The following C15orf40 variants were observed in gnomAD, a reference collection of about 807,000 sequenced individuals.
The protein encoded by C15orf40 is chromosome 15 open reading frame 40.
Under a neutral mutation model 13.9 loss-of-function variants are expected in C15orf40, and 9 were observed. The ratio of observed to expected loss-of-function variants is 0.65; its 90% CI spans 0.39 to 1.13. The LOEUF (loss-of-function observed/expected upper bound fraction) is 1.13. C15orf40 is among the 50% of genes most tolerant of loss of function. C15orf40 has a pLI of 0.01. For missense variants in C15orf40, 225 were observed against 188.5 expected, an observed-to-expected ratio of 1.19 and a Z score of -1.13; for synonymous variants, 95 against 69.2, an observed-to-expected ratio of 1.37 and a Z score of -1.85.
rs769607952 is a variant in C15orf40 at position 83,010,374 on chromosome 15, A to C, written c.112-11T>G. ...GCTCTGGCTTTTACCCTAAAATGAC[A>C]ACCACACAACTTTACAGGTTACAAA... On this transcript the variant is annotated splice_polypyrimidine_tract_variant and intron_variant, in intron 1 of 3. Coordinates refer to ENST00000304177, the MANE Select transcript of C15orf40 (RefSeq NM_144597.3). 1.2e-6 allele frequency: 2 copies of C among 1,614,066 alleles called. No individual in the cohort carries two copies. The highest frequency in any genetic ancestry group is 1.7e-6 in the Non-Finnish European group (2 of 1,179,940).
Position 82,999,179 on chromosome 15 carries a change from AG to A in C15orf40, c.*6417del, listed in dbSNP as rs2031299736. 1.8e-4 allele frequency: 1 copy of A among 5,586 alleles called. No individual in the cohort carries two copies. Among genetic ancestry groups the A allele is most frequent in the African/African-American group, 7.7e-4 (1 of 1,292 alleles). 0.3% of individuals were successfully genotyped at this position (5,586 alleles called of 1,614,324 possible). ...GAGGGAGAGGGTGAGGGAGAGGGGG[AG>A]GGGGAGGGGGAGGGGGCTCATTTTT... On this transcript the variant is annotated 3_prime_UTR_variant, in exon 4 of 4. Coordinates refer to ENST00000304177, the MANE Select transcript of C15orf40 (RefSeq NM_144597.3).
downstream of C15orf40, chr15:82,989,004 G>C: frequency 6.3e-7 from 1 of 1,588,764 alleles, no homozygotes; most frequent in Non-Finnish European, 8.6e-7. Context: ...CTTTAAAATT[G>C]TACAGATTTT....
chr15:83,011,354 C>A, intron 1 of C15orf40, 143 bp downstream of exon 1: 1 of 895,634 alleles, frequency 1.1e-6, no homozygotes, highest in Non-Finnish European at 1.6e-6. Context: ...CTGGGGGTGG[C>A]GGCGGCTGTC....
rs1298931955 is a variant in C15orf40, at chr15:82,998,248, TG to T, written c.*7348del. 7.6e-6 allele frequency: 1 copy of T among 132,306 alleles called. No homozygotes were observed. The highest frequency in any genetic ancestry group is 3.4e-5 in the African/African-American group (1 of 29,232). 8.2% of individuals were successfully genotyped at this position (132,306 alleles called of 1,614,324 possible). ...CCCCCCACCTCCCTCCCGGATGGGG[TG>T]GCTGGCCGGGCGGGGGACTGACCCC... On this transcript the variant is annotated 3_prime_UTR_variant, in exon 4 of 4. Coordinates refer to ENST00000304177, the MANE Select transcript of C15orf40 (RefSeq NM_144597.3).
intron 3 of C15orf40, among the ~76,000 whole-genome samples, chr15:83,007,384 A>T (rs193071394): frequency 2.0e-5 from 3 of 152,356 alleles, no homozygotes; most frequent in Admixed American, 2.0e-4. Context: ...CAGAAAGGAG[A>T]AAACACTGGC....
At chr15:82,992,301 A>G (rs1040762429), downstream of C15orf40, among the ~76,000 whole-genome samples, 11 of 152,154 alleles carry the variant, frequency 7.2e-5, no homozygotes, top group Non-Finnish European at 1.6e-4. Context: ...AGATCACCCC[A>G]GGTGAGGAGT....
At chr15:83,011,423 C>T (rs894530177) in intron 1 of C15orf40, 74 bp downstream of exon 1, 5 of 1,480,836 alleles carry the variant, frequency 3.4e-6, no homozygotes, top group Non-Finnish European at 4.5e-6. Context: ...CACTCCCGGG[C>T]CCCGCTTCTC....
In C15orf40 at chr15:83,010,282, T is replaced by C. The variant is rs1293653110; in HGVS notation, c.193A>G (p.Ile65Val). The C allele has an allele frequency of 3.7e-6, 6 of 1,614,242 alleles. No homozygotes were observed. The highest frequency in any genetic ancestry group is 4.5e-5 in the East Asian group (2 of 44,884). The change falls in exon 2 of 4, where the codon ATA becomes GTA. Residue 65 changes from isoleucine to valine, a missense_variant. By Grantham distance (29) the Ile-to-Val change is conservative. Coordinates refer to ENST00000304177, the MANE Select transcript of C15orf40 (RefSeq NM_144597.3). ...VAVDPKGCVT[I>V]AIHAKPGSKQ... is the part of the protein sequence containing the mutation. ...GAGCCAGGTTTTGCATGGATGGCTA[T>C]GGTGACGCATCCTTTAGGATCAACT...
rs1354036383 is a variant in C15orf40, at chr15:83,005,095, TGTTTGGG to T, written c.*495_*501del. On this transcript the variant is annotated 3_prime_UTR_variant, in exon 4 of 4. Coordinates refer to ENST00000304177, the MANE Select transcript of C15orf40 (RefSeq NM_144597.3). ...GAAATCAGAGTAACATGTTCCAGGC[TGTTTGGG>T]GTTTGGGATTTTAGAACCTGATGCA... 5.2e-6 allele frequency: 6 copies of T among 1,145,498 alleles called. No homozygotes were observed. In the East Asian group the frequency reaches 3.8e-4, roughly 73 times the overall value. The allele number at this position is 1,145,498 out of a possible 1,614,324, so 71.0% of individuals were successfully genotyped here. A position where few individuals can be genotyped will look rare whatever the true frequency, so the allele number is the denominator to read the frequency against.
Position 82,994,871 on chromosome 15 carries a change from C to A in C15orf40, c.*10726G>T, listed in dbSNP as rs1661279922. On this transcript the variant is annotated 3_prime_UTR_variant, in exon 4 of 4. Coordinates refer to ENST00000304177, the MANE Select transcript of C15orf40 (RefSeq NM_144597.3). ...AACACAGAAAGATATGCTTTTAAAACTCTCAAATTTTAAAATTGATTTAAG... is the reference window on the plus strand; with the variant it reads ...AACACAGAAAGATATGCTTTTAAAAATCTCAAATTTTAAAATTGATTTAAG... The A allele has an allele frequency of 6.6e-6, 1 of 152,122 alleles. No individual in the cohort carries two copies. The highest frequency in any genetic ancestry group is 2.4e-5 in the African/African-American group (1 of 41,416). The allele number at this position is 152,122 out of a possible 1,614,324, so 9.4% of individuals were successfully genotyped here.
downstream of C15orf40, chr15:82,991,046 C>G (rs2030840272): frequency 6.3e-6 from 1 of 159,404 alleles, no homozygotes; most frequent in African/African-American, 2.4e-5. Flanking sequence ...ATTTAAGCAT[C>G]TTCACTCCCA....
In C15orf40 at chr15:83,003,684, T is replaced by G. The variant is rs1387920321; in HGVS notation, c.*1913A>C. On this transcript the variant is annotated 3_prime_UTR_variant, in exon 4 of 4. Coordinates refer to ENST00000304177, the MANE Select transcript of C15orf40 (RefSeq NM_144597.3). ...CACATAAGCCACCTTTTCTTGCCCT[T>G]GATACCTATTTGGTACAAGTTAAGA... The G allele has an allele frequency of 6.6e-6, 1 of 152,352 alleles. No homozygotes were observed. The highest frequency in any genetic ancestry group is 2.1e-4 in the South Asian group (1 of 4,828). 9.4% of individuals were successfully genotyped at this position (152,352 alleles called of 1,614,324 possible). A position where few individuals can be genotyped will look rare whatever the true frequency, so the allele number is the denominator to read the frequency against.
At chr15:82,993,896 T>C (rs924129911), downstream of C15orf40, among the ~76,000 whole-genome samples, 10 of 152,376 alleles carry the variant, frequency 6.6e-5, no homozygotes, top group African/African-American at 2.2e-4. Context: ...TGTTAATTAC[T>C]GAACACATCA....
intron 3 of C15orf40, chr15:83,008,123 GA>G: frequency 5.8e-6 from 1 of 172,248 alleles, no homozygotes; most frequent in South Asian, 1.2e-4. Context: ...ATCCAGGAGT[GA>G]GAGGTAGCAG....
At chr15:82,991,343 G>A (rs1001834650), downstream of C15orf40, among the ~76,000 whole-genome samples, 2 of 152,134 alleles carry the variant, frequency 1.3e-5, no homozygotes, top group Non-Finnish European at 2.9e-5. Context: ...TCAGGAGTTC[G>A]AGACCAGCCT....
chr15:82,997,660 C>T lies in C15orf40; in HGVS notation c.*7937G>A, dbSNP rs549790181. The stretch of plus-strand genomic sequence containing the variant: ...TCAATCTTTTCCCCACCTTTCCCGC[C>T]TTTCTATTCCACAAAGCCGCCATTG... On this transcript the variant is annotated 3_prime_UTR_variant, in exon 4 of 4. Transcript: ENST00000304177. 3.3e-5 allele frequency: 8 copies of T among 239,828 alleles called. No individual in the cohort carries two copies. The East Asian group carries it at 9.5e-4, about 28-fold the overall frequency. The allele number at this position is 239,828 out of a possible 1,614,324, so 14.9% of individuals were successfully genotyped here.
In C15orf40 at chr15:83,004,317, GT is replaced by G; in HGVS notation, c.*1279del. 1.0e-6 allele frequency: 1 copy of G among 985,258 alleles called. No individual in the cohort carries two copies. The highest frequency in any genetic ancestry group is 1.2e-6 in the Non-Finnish European group (1 of 829,834). The allele number at this position is 985,258 out of a possible 1,614,324, so 61.0% of individuals were successfully genotyped here. A position where few individuals can be genotyped will look rare whatever the true frequency, so the allele number is the denominator to read the frequency against. On this transcript the variant is annotated 3_prime_UTR_variant, in exon 4 of 4. Transcript: ENST00000304177. ...ATTATTGTTCTTCCTTGTGGATTTTGTTTTTAATGATTTGGTCCATCAATAC... is the reference window on the plus strand; with the variant it reads ...ATTATTGTTCTTCCTTGTGGATTTTGTTTTAATGATTTGGTCCATCAATAC...
chr15:82,997,279 T>G lies in C15orf40; in HGVS notation c.*8318A>C, dbSNP rs1289403301. ...TTGGGTGTTTCTCACAGAGGGGGATTTGGCAGGGAAGGTCAGCAGATAAAC... is the reference window on the plus strand; with the variant it reads ...TTGGGTGTTTCTCACAGAGGGGGATGTGGCAGGGAAGGTCAGCAGATAAAC... On this transcript the variant is annotated 3_prime_UTR_variant, in exon 4 of 4. Transcript: ENST00000304177. 1.3e-5 allele frequency: 2 copies of G among 148,172 alleles called. No homozygotes were observed. The highest frequency in any genetic ancestry group is 5.0e-5 in the African/African-American group (2 of 39,708). The allele number at this position is 148,172 out of a possible 1,614,324, so 9.2% of individuals were successfully genotyped here.
chr15:83,010,340 T>A lies in C15orf40; in HGVS notation c.135A>T (p.Pro45=). 2.5e-6 allele frequency: 4 copies of A among 1,614,252 alleles called. No homozygotes were observed. Among genetic ancestry groups the A allele is most frequent in the South Asian group, 2.2e-5 (2 of 91,078 alleles). ...TTKGKSQSKE[P]ERPLPPLGPV... ...GACCTAAGGGAGGAAGTGGTCTCTC[T>A]GGTTCCTTGCTCTGGCTTTTACCCT... Residue 45 remains proline, a synonymous_variant, in exon 2 of 4, where the codon CCA becomes CCT. Transcript: ENST00000304177.
Sources: gnomAD v4.1 joint callset for allele counts (sites outside exome capture counted in the v4.1 genomes callset) on GRCh38, gnomAD v4.1.1 for gene constraint, MANE v1.5 for transcripts, NCBI Gene and HGNC (gene_info 2026-07-23, HGNC 2026-07-21) for gene names.